Variants in CRPPA observed in about 807,000 individuals in gnomAD.
The protein encoded by CRPPA is D-ribitol-5-phosphate cytidylyltransferase.
Under a neutral mutation model 52.0 loss-of-function variants are expected in CRPPA, and 43 were observed. The ratio of observed to expected loss-of-function variants is 0.83; its 90% confidence interval spans 0.65 to 1.07. The LOEUF is 1.07. Among genes scored for constraint, CRPPA ranks in the 50% least tolerant of loss-of-function variants. The probability of loss-of-function intolerance (pLI) is 0.00; values close to 1 mark genes in which losing one functional copy is unlikely to be tolerated. For missense variants in CRPPA, 629 were observed against 551.7 expected (o/e 1.14, Z -1.40); for synonymous variants, 250 against 203.5 (o/e 1.23, Z -1.94).
rs866537239 is a variant in CRPPA, at chr7:16,411,479, T to A, written c.258-5142A>T. Among the ~76,000 whole-genome samples, 7 of 152,058 alleles carry A rather than the reference T, an allele frequency of 4.6e-5. No individual in the cohort carries two copies. The Middle Eastern group carries it at 0.01, about 222-fold the overall frequency. ...CAAAAGCGCTCAAGTTTCTTATAAT[T>A]TCTTGTAACTCAGGCAGAAGTAGGC... is the stretch of plus-strand genomic sequence containing the variant. On this transcript the variant is annotated intron_variant, in intron 1 of 9. Coordinates refer to ENST00000407010, the MANE Select transcript of CRPPA (RefSeq NM_001101426.4).
chr7:16,143,978 G>A (rs555634480), intron 9 of CRPPA, among the ~76,000 whole-genome samples: 6 of 152,262 alleles, frequency 3.9e-5, no homozygotes, highest in South Asian at 2.1e-4. Context: ...CGCTGAATTC[G>A]TCTACAGAAA....
intron 9 of CRPPA, among the ~76,000 whole-genome samples, chr7:16,161,240 G>C (rs1022814329): frequency 2.6e-5 from 4 of 152,190 alleles, no homozygotes; most frequent in Non-Finnish European, 4.4e-5. Context: ...AGTGGTGAGA[G>C]AGGGTATCCT....
At chr7:16,322,148 C>A (rs1250897957) in intron 3 of CRPPA, among the ~76,000 whole-genome samples, 2 of 151,850 alleles carry the variant, frequency 1.3e-5, no homozygotes, top group African/African-American at 4.8e-5. Flanking sequence ...AATATATTAC[C>A]CCTCAAAAAT....
intron 1 of CRPPA, among the ~76,000 whole-genome samples, chr7:16,410,248 C>A (rs1340353284): frequency 6.6e-6 from 1 of 152,118 alleles, no homozygotes; most frequent in Admixed American, 6.5e-5. Flanking sequence ...CTTCAGAACT[C>A]CAAAGAACAA....
intron 9 of CRPPA, among the ~76,000 whole-genome samples, chr7:16,198,250 G>C (rs560855023): frequency 4.8e-5 from 1 of 20,628 alleles, no homozygotes; most frequent in East Asian, 1.5e-3. Flanking sequence ...GGAATGTCTC[G>C]GTATAAAACC....
chr7:16,383,227 G>C (rs192510546), intron 2 of CRPPA, among the ~76,000 whole-genome samples: 1 of 152,178 alleles, frequency 6.6e-6, no homozygotes, highest in African/African-American at 2.4e-5. Flanking sequence ...ACCCTCAGCT[G>C]CAGGTCTGTT....
chr7:16,280,102 C>A (rs1784290111), intron 5 of CRPPA, among the ~76,000 whole-genome samples: 1 of 152,128 alleles, frequency 6.6e-6, no homozygotes, highest in East Asian at 1.9e-4. Flanking sequence ...AGACCTGCCC[C>A]CATGATTCAA....
At chr7:16,171,937 T>C (rs961860332) in intron 9 of CRPPA, among the ~76,000 whole-genome samples, 8 of 152,300 alleles carry the variant, frequency 5.3e-5, no homozygotes, top group Non-Finnish European at 8.8e-5. Flanking sequence ...GATATAAATA[T>C]TTTCCAGTGG....
At chr7:16,342,804 T>C (rs1422485154) in intron 3 of CRPPA, among the ~76,000 whole-genome samples, 1 of 123,570 alleles carries the variant, frequency 8.1e-6, no homozygotes, top group Non-Finnish European at 1.7e-5. Context: ...TATATCTATA[T>C]AGATATATAG....
chr7:16,262,547 G>T (rs1431491105), intron 6 of CRPPA, among the ~76,000 whole-genome samples: 4 of 152,092 alleles, frequency 2.6e-5, no homozygotes, highest in Non-Finnish European at 5.9e-5. Context: ...TTTTATCCAG[G>T]TTTACTTCTT....
intron 9 of CRPPA, among the ~76,000 whole-genome samples, chr7:16,149,276 T>G (rs533968104): frequency 7.9e-5 from 12 of 152,316 alleles, no homozygotes; most frequent in African/African-American, 2.9e-4. Context: ...TAAACAGTTT[T>G]GGCTCCTCTT....
intron 1 of CRPPA, among the ~76,000 whole-genome samples, chr7:16,416,250 A>C (rs7810190): frequency 0.39 from 59,471 of 151,966 alleles, 11,853 homozygotes; most frequent in East Asian, 0.52. Flanking sequence ...AGTTGCCAAA[A>C]ATAAGCAATT....
At chr7:16,095,778 T>C (rs1036377130) in intron 9 of CRPPA, among the ~76,000 whole-genome samples, 2 of 152,178 alleles carry the variant, frequency 1.3e-5, no homozygotes, top group Non-Finnish European at 2.9e-5. Context: ...GTGGCTTGTA[T>C]TTCTGCAGGC....
At chr7:16,355,372 A>C (rs1410657033) in intron 3 of CRPPA, among the ~76,000 whole-genome samples, 1 of 152,182 alleles carries the variant, frequency 6.6e-6, no homozygotes, top group Non-Finnish European at 1.5e-5. Context: ...ACAGTGATTG[A>C]CCCGGCAAAT....
In CRPPA at chr7:16,307,258, T is replaced by C. The variant is rs147740974; in HGVS notation, c.789+1265A>G. ...TACTTATTTCTGATTTCCAGACTCC[T>C]ATTTCCAAATGTCCTGTTCAATTCA... On this transcript the variant is annotated intron_variant, in intron 4 of 9. Coordinates refer to ENST00000407010, the MANE Select transcript of CRPPA (RefSeq NM_001101426.4). 3.9e-3 allele frequency among the ~76,000 whole-genome samples: 597 copies of C among 152,326 alleles called. 3 individuals carry two copies. The highest frequency in any genetic ancestry group is 0.014 in the Middle Eastern group (4 of 294).
At chr7:16,288,993 C>T (rs1466373059) in intron 5 of CRPPA, among the ~76,000 whole-genome samples, 1 of 150,550 alleles carries the variant, frequency 6.6e-6, no homozygotes, top group African/African-American at 2.4e-5. Context: ...AAAAGAGCCA[C>T]CAAATAAAGT....
rs548236399 is a variant in CRPPA at position 16,398,437 on chromosome 7, G to T, written c.534+7624C>A. 2.6e-5 allele frequency among the ~76,000 whole-genome samples: 4 copies of T among 151,986 alleles called. No individual in the cohort carries two copies. In the South Asian group the frequency reaches 8.3e-4, roughly 32 times the overall value. On this transcript the variant is annotated intron_variant, in intron 2 of 9. Transcript: ENST00000407010. ...TGATTCACACATGATTGACGTGACC[G>T]AGGTTTGTGACACGTGACTCACGTG...
chr7:16,307,154 G>T lies in CRPPA; in HGVS notation c.789+1369C>A, dbSNP rs568889565. ...CAGATTTTGATGGATGTTTCATAAA[G>T]ATTTCCAAAGACTGCAAGCAATATT... On this transcript the variant is annotated intron_variant, in intron 4 of 9. Transcript: ENST00000407010. 2.1e-4 allele frequency among the ~76,000 whole-genome samples: 32 copies of T among 152,156 alleles called. No homozygotes were observed. The South Asian group carries it at 4.6e-3, about 22-fold the overall frequency.
chr7:16,398,481 C>A (rs1351976781), intron 2 of CRPPA, among the ~76,000 whole-genome samples: 1 of 151,990 alleles, frequency 6.6e-6, no homozygotes, highest in East Asian at 1.9e-4. Context: ...ACATGATTGG[C>A]ACATGACCTA....
Sources: gnomAD v4.1 joint callset for allele counts (sites outside exome capture counted in the v4.1 genomes callset) on GRCh38, gnomAD v4.1.1 for gene constraint, MANE v1.5 for transcripts, NCBI Gene and HGNC (gene_info 2026-07-23, HGNC 2026-07-21) for gene names.